SLC44A3: variants seen among roughly 807,000 people sequenced by gnomAD.
The protein encoded by SLC44A3 is solute carrier family 44 member 3.
A neutral mutation model predicts 75.4 loss-of-function variants in SLC44A3; 74 were observed. That is an observed-to-expected ratio of 0.98 (90% CI 0.81 to 1.19). SLC44A3 has a LOEUF of 1.19. SLC44A3 is among the 50% of genes most tolerant of loss of function. SLC44A3 has a pLI of 0.00. For missense variants in SLC44A3, 700 were observed against 778.6 expected, an observed-to-expected ratio of 0.90 and a Z score of 1.20; for synonymous variants, 310 against 296.9, an observed-to-expected ratio of 1.04 and a Z score of -0.45.
At chr1:94,876,223 G>T (rs778999170) in intron 12 of SLC44A3, among the ~76,000 whole-genome samples, 65 of 152,346 alleles carry the variant, frequency 4.3e-4, no homozygotes, top group Non-Finnish European at 7.3e-4. Flanking sequence ...ATTACTCCCA[G>T]TGCTCAAGAA....
At chr1:94,884,333 C>T (rs1669328057) in intron 12 of SLC44A3, among the ~76,000 whole-genome samples, 2 of 152,208 alleles carry the variant, frequency 1.3e-5, no homozygotes, top group South Asian at 4.1e-4. Flanking sequence ...TGCACTGCCT[C>T]ACTCCACATG....
intron 5 of SLC44A3, among the ~76,000 whole-genome samples, chr1:94,831,571 A>G (rs1338109867): frequency 1.3e-5 from 2 of 152,236 alleles, no homozygotes; most frequent in South Asian, 2.1e-4. Context: ...GTGAAAAAGC[A>G]CTACAGAAGA....
chr1:94,860,820 A>G (rs1557854752), intron 10 of SLC44A3, among the ~76,000 whole-genome samples: 1 of 152,224 alleles, frequency 6.6e-6, no homozygotes, highest in Non-Finnish European at 1.5e-5. Flanking sequence ...TGTAAGCCAG[A>G]GAGGAAAACA....
At chr1:94,856,893 G>A (rs938666213) in intron 9 of SLC44A3, among the ~76,000 whole-genome samples, 1 of 152,060 alleles carries the variant, frequency 6.6e-6, no homozygotes, top group Non-Finnish European at 1.5e-5. Context: ...ACCATGCTTG[G>A]CTAATTTTTG....
At chr1:94,820,526 G>A (rs1391149841) in intron 1 of SLC44A3, 48 bp downstream of exon 1, 3 of 1,482,058 alleles carry the variant, frequency 2.0e-6, no homozygotes, top group Non-Finnish European at 2.7e-6. Flanking sequence ...CCGGGGAAGG[G>A]TCGAGTCCCC....
intron 12 of SLC44A3, among the ~76,000 whole-genome samples, chr1:94,872,440 G>A (rs1014913647): frequency 6.6e-6 from 1 of 151,408 alleles, no homozygotes; most frequent in African/African-American, 2.4e-5. Context: ...TTTAAGCATT[G>A]CATTCCTCTT....
chr1:94,873,974 C>A (rs1479109670), intron 12 of SLC44A3, among the ~76,000 whole-genome samples: 1 of 152,200 alleles, frequency 6.6e-6, no homozygotes, highest in South Asian at 2.1e-4. Flanking sequence ...TCTGAATCCT[C>A]CACCCCTGCT....
chr1:94,849,288 C>T (rs187347563), intron 9 of SLC44A3, among the ~76,000 whole-genome samples: 12 of 152,268 alleles, frequency 7.9e-5, no homozygotes, highest in Non-Finnish European at 1.5e-4. Flanking sequence ...CTATGGGAGG[C>T]ATCTATGAGC....
Position 94,894,872 on chromosome 1 carries a change from C to G in SLC44A3, c.1912C>G (p.His638Asp). 1 of 1,612,522 alleles carries G rather than the reference C, an allele frequency of 6.2e-7. No individual in the cohort carries two copies. Among genetic ancestry groups the G allele is most frequent in the South Asian group, 1.1e-5 (1 of 90,878 alleles). Residue 638 changes from histidine to aspartate, a missense_variant, in exon 15 of 15, where the codon CAC becomes GAC. Coordinates refer to ENST00000271227, the MANE Select transcript of SLC44A3 (RefSeq NM_001114106.3). ...LNNARAQQDK[H>D]SLRNEEGTEL... is the part of the protein sequence containing the mutation. The stretch of plus-strand genomic sequence containing the variant: ...CAATGCAAGGGCACAGCAGGACAAG[C>G]ACTCATTAAGGAATGAGGAGGGAAC...
chr1:94,886,000 G>A (rs762642692), intron 12 of SLC44A3, among the ~76,000 whole-genome samples: 8 of 152,168 alleles, frequency 5.3e-5, no homozygotes, highest in Non-Finnish European at 1.0e-4. Context: ...AGGTGGGGGT[G>A]GAGGGGAGCC....
intron 5 of SLC44A3, among the ~76,000 whole-genome samples, chr1:94,829,086 A>G (rs1222352715): frequency 2.0e-5 from 3 of 152,084 alleles, no homozygotes; most frequent in Non-Finnish European, 4.4e-5. Flanking sequence ...ATATACAAAA[A>G]TATATACTAT....
chr1:94,844,825 T>C (rs1348925473), intron 8 of SLC44A3, among the ~76,000 whole-genome samples: 1 of 152,174 alleles, frequency 6.6e-6, no homozygotes, highest in Non-Finnish European at 1.5e-5. Flanking sequence ...GTTTCATTAA[T>C]ATGAGATTTG....
Position 94,820,357 on chromosome 1 carries a change from AGCCCCGGCCCCG to A in SLC44A3, c.-86_-75del, listed in dbSNP as rs1475051392. The A allele has an allele frequency of 2.7e-6, 3 of 1,123,298 alleles. No homozygotes were observed. Among genetic ancestry groups the A allele is most frequent in the Middle Eastern group, 7.0e-4 (2 of 2,842 alleles). The allele number at this position is 1,123,298 out of a possible 1,614,324, so 69.6% of individuals were successfully genotyped here. On this transcript the variant is annotated 5_prime_UTR_variant, in exon 1 of 15. Transcript: ENST00000271227. The stretch of plus-strand genomic sequence containing the variant: ...CGGCTCCAGCCCCAGCCCCAGCCCC[AGCCCCGGCCCCG>A]GCCCCGGCTCGCGGGCGCTGCGTCT...
chr1:94,864,869 C>A lies in SLC44A3; in HGVS notation c.1365C>A (p.Val455=). Reference sequence around the variant, plus strand: ...TGGTGAGGATTCCGAGAATCATTGTCATGTACATGCAAAACGCACTGAAAG... The same window carrying A: ...TGGTGAGGATTCCGAGAATCATTGTAATGTACATGCAAAACGCACTGAAAG... ...ISVVRIPRII[V]MYMQNALKEQ... Residue 455 remains valine (V), a synonymous_variant, in exon 11 of 15, where the codon GTC becomes GTA. Transcript: ENST00000271227. The A allele has an allele frequency of 6.2e-7, 1 of 1,613,844 alleles. No individual in the cohort carries two copies. The highest frequency in any genetic ancestry group is 1.3e-5 in the African/African-American group (1 of 75,008).
intron 9 of SLC44A3, among the ~76,000 whole-genome samples, chr1:94,847,767 T>C (rs928290026): frequency 4.6e-5 from 7 of 152,186 alleles, no homozygotes; most frequent in African/African-American, 1.7e-4. Context: ...TATTGTTATG[T>C]TCAAGTTACA....
intron 12 of SLC44A3, among the ~76,000 whole-genome samples, chr1:94,883,747 T>C (rs1267934203): frequency 6.6e-6 from 1 of 152,202 alleles, no homozygotes; most frequent in African/African-American, 2.4e-5. Flanking sequence ...AACCTACGTC[T>C]TGTGTGTGAA....
intron 11 of SLC44A3, among the ~76,000 whole-genome samples, chr1:94,865,416 G>A (rs1305205856): frequency 6.6e-6 from 1 of 152,174 alleles, no homozygotes; most frequent in East Asian, 1.9e-4. Context: ...GGGTTTGAAT[G>A]AGAGTGTGTA....
chr1:94,827,336 A>G, intron 3 of SLC44A3, 171 bp from the exon 4 acceptor site: 1 of 754,590 alleles, frequency 1.3e-6, no homozygotes, highest in South Asian at 1.8e-5. Flanking sequence ...GCACAGCTTC[A>G]TGGATGACCA....
chr1:94,863,772 T>A (rs2101404760), intron 10 of SLC44A3, among the ~76,000 whole-genome samples: 1 of 152,334 alleles, frequency 6.6e-6, no homozygotes, highest in East Asian at 1.9e-4. Flanking sequence ...CCTGGCTGAT[T>A]TGAGTAACAG....
Sources: gnomAD v4.1 joint callset for allele counts (sites outside exome capture counted in the v4.1 genomes callset) on GRCh38, gnomAD v4.1.1 for gene constraint, MANE v1.5 for transcripts, NCBI Gene and HGNC (gene_info 2026-07-23, HGNC 2026-07-21) for gene names.